PALM2AKAP2: variants seen among roughly 807,000 people sequenced by gnomAD.
PALM2AKAP2 encodes PALM2 and AKAP2 fusion.
In PALM2AKAP2, 37 loss-of-function variants were observed where a neutral mutation model predicts 71.5. That is an observed-to-expected ratio of 0.52 (90% CI 0.40 to 0.68). The LOEUF is 0.68. Among genes scored for constraint, PALM2AKAP2 ranks in the 30% least tolerant of loss-of-function variants. The pLI, the probability that PALM2AKAP2 is intolerant of heterozygous loss-of-function variation, is 0.00. For synonymous variants in PALM2AKAP2, 468 were observed against 478.8 expected (o/e 0.98, Z 0.29); for missense variants, 1,224 against 1,191.8 (o/e 1.03, Z -0.40).
chr9:109,930,678 A>C (rs1831077906), intron 5 of PALM2AKAP2, among the ~76,000 whole-genome samples: 1 of 152,226 alleles, frequency 6.6e-6, no homozygotes, highest in African/African-American at 2.4e-5. Context: ...TGTGTTTGCA[A>C]TCCTCTTCAG....
intron 2 of PALM2AKAP2, among the ~76,000 whole-genome samples, chr9:110,139,021 C>T (rs1835965411): frequency 6.6e-6 from 1 of 152,178 alleles, no homozygotes; most frequent in African/African-American, 2.4e-5. Context: ...ATAGTCATGG[C>T]ATGGCATTGC....
At chr9:110,090,189 C>T (rs7861227) in intron 1 of PALM2AKAP2, 48,537 of 330,604 alleles carry the variant, frequency 0.15, 4,853 homozygotes, top group African/African-American at 0.34. Context: ...CCTGGGGCAG[C>T]GTCCACCAGG....
chr9:109,844,018 G>A lies in PALM2AKAP2; in HGVS notation c.46-23473G>A, dbSNP rs75932222. 8.0e-3 allele frequency among the ~76,000 whole-genome samples: 1,212 copies of A among 152,088 alleles called. 18 individuals carry two copies. Among genetic ancestry groups the A allele is most frequent in the African/African-American group, 0.028 (1,153 of 41,358 alleles). ...ACAAAAACAACGGTTTTGCAGATTT[G>A]GGTTCTCTTTCTCAAACTGCCTTTT... On this transcript the variant is annotated intron_variant, in intron 1 of 9. Coordinates refer to the PALM2AKAP2 transcript ENST00000302798.
At chr9:110,035,262 CAT>C (rs71373956) in intron 7 of PALM2AKAP2, among the ~76,000 whole-genome samples, 32,845 of 113,820 alleles carry the variant, frequency 0.29, 4,840 homozygotes, top group Admixed American at 0.4. Flanking sequence ...TATATACACA[CAT>C]ATATAATATA....
intron 1 of PALM2AKAP2, among the ~76,000 whole-genome samples, chr9:109,802,111 G>A (rs971380006): frequency 3.3e-5 from 5 of 152,162 alleles, no homozygotes; most frequent in Non-Finnish European, 7.3e-5. Context: ...GTGGGATGGA[G>A]CAAGAAGGCC....
intron 1 of PALM2AKAP2, among the ~76,000 whole-genome samples, chr9:109,753,143 T>G (rs900621042): frequency 6.6e-6 from 1 of 152,178 alleles, no homozygotes; most frequent in Non-Finnish European, 1.5e-5. Flanking sequence ...ACTTCTTGAT[T>G]CAAAGCCCAT....
At chr9:109,858,564 T>G (rs1197928582) in intron 1 of PALM2AKAP2, among the ~76,000 whole-genome samples, 1 of 152,032 alleles carries the variant, frequency 6.6e-6, no homozygotes, top group Non-Finnish European at 1.5e-5. Context: ...TGATACGAGA[T>G]CTCCTGACTC....
At chr9:109,762,341 C>T (rs1284629081) in intron 1 of PALM2AKAP2, among the ~76,000 whole-genome samples, 1 of 152,132 alleles carries the variant, frequency 6.6e-6, no homozygotes, top group Non-Finnish European at 1.5e-5. Context: ...AGACTAGTGA[C>T]ACCTGGATTC....
At chr9:109,744,440 C>T (rs1450577986) in intron 1 of PALM2AKAP2, among the ~76,000 whole-genome samples, 2 of 152,120 alleles carry the variant, frequency 1.3e-5, no homozygotes, top group South Asian at 2.1e-4. Context: ...CAGCTGATAT[C>T]ATCTAGCTGC....
chr9:109,695,334 G>A (rs1394909008), intron 1 of PALM2AKAP2, among the ~76,000 whole-genome samples: 1 of 152,114 alleles, frequency 6.6e-6, no homozygotes, highest in Non-Finnish European at 1.5e-5. Flanking sequence ...GGATTGCTGG[G>A]TCATGTGGCA....
At chr9:109,884,667 C>A (rs908548823) in intron 3 of PALM2AKAP2, among the ~76,000 whole-genome samples, 4 of 152,090 alleles carry the variant, frequency 2.6e-5, no homozygotes, top group Admixed American at 6.5e-5. Context: ...TTACTCAAGG[C>A]AAAACATTAA....
At chr9:109,928,375 A>C (rs150920837) in intron 5 of PALM2AKAP2, among the ~76,000 whole-genome samples, 13 of 152,364 alleles carry the variant, frequency 8.5e-5, no homozygotes, top group Admixed American at 2.0e-4. Flanking sequence ...ACTAAGAAGC[A>C]GCACTCATCT....
rs776882046 is a variant in PALM2AKAP2, at chr9:110,137,115, C to T, written c.1145C>T (p.Ser382Leu). ...CAGCAGCAGCAGCAGCAGCCCCCATCGCAGCTCTGCACAGCCCCTGCCTCT... is the reference window on the plus strand; with the variant it reads ...CAGCAGCAGCAGCAGCAGCCCCCATTGCAGCTCTGCACAGCCCCTGCCTCT... Residue 382 changes from serine (S) to leucine (L), a missense_variant, in exon 2 of 4, where the codon TCG becomes TTG. Ser to Leu is a moderately radical substitution (Grantham distance 145). Transcript: ENST00000374525. The T allele has an allele frequency of 1.7e-4, 273 of 1,613,246 alleles. No homozygotes were observed. Among genetic ancestry groups the T allele is most frequent in the Non-Finnish European group, 2.2e-4 (257 of 1,179,770 alleles).
At chr9:110,052,104 A>G (rs943833059) in intron 1 of PALM2AKAP2, among the ~76,000 whole-genome samples, 3 of 152,040 alleles carry the variant, frequency 2.0e-5, no homozygotes, top group African/African-American at 7.2e-5. Context: ...GGGTTTCACC[A>G]TGTTAGCTAG....
intron 7 of PALM2AKAP2, among the ~76,000 whole-genome samples, chr9:110,040,398 T>C (rs1833490390): frequency 6.6e-6 from 1 of 152,228 alleles, no homozygotes. Context: ...AGGAAAGCCA[T>C]TTAATATGTT....
At chr9:109,837,985 C>G (rs1018909207) in intron 1 of PALM2AKAP2, among the ~76,000 whole-genome samples, 4 of 152,156 alleles carry the variant, frequency 2.6e-5, no homozygotes, top group African/African-American at 9.7e-5. Context: ...AGAAAGTTAG[C>G]AAGGATATCC....
intron 1 of PALM2AKAP2, among the ~76,000 whole-genome samples, chr9:109,709,211 G>A (rs1828189384): frequency 6.6e-6 from 1 of 152,214 alleles, no homozygotes; most frequent in Non-Finnish European, 1.5e-5. Flanking sequence ...TTTTATTGCT[G>A]GATCTGGCTG....
intron 7 of PALM2AKAP2, among the ~76,000 whole-genome samples, chr9:110,041,227 T>G (rs1833507047): frequency 6.6e-6 from 1 of 151,748 alleles, no homozygotes; most frequent in African/African-American, 2.4e-5. Flanking sequence ...AGATACCCAC[T>G]TTTCACTCTT....
chr9:110,112,382 C>G (rs1029133981), intron 1 of PALM2AKAP2, among the ~76,000 whole-genome samples: 14 of 152,182 alleles, frequency 9.2e-5, no homozygotes, highest in Non-Finnish European at 1.3e-4. Flanking sequence ...ATTACTTAAG[C>G]TCTGAGCTTC....
Sources: gnomAD v4.1 joint callset for allele counts (sites outside exome capture counted in the v4.1 genomes callset) on GRCh38, gnomAD v4.1.1 for gene constraint, MANE v1.5 for transcripts, NCBI Gene and HGNC (gene_info 2026-07-23, HGNC 2026-07-21) for gene names.